The following IGF2R variants were observed in gnomAD, a reference collection of about 807,000 sequenced individuals.
IGF2R encodes the protein cation-independent mannose-6-phosphate receptor.
A neutral mutation model predicts 270.6 loss-of-function variants in IGF2R; 91 were observed. That is an observed-to-expected ratio of 0.34 (90% CI 0.28 to 0.40). IGF2R has a LOEUF of 0.40. Among genes scored for constraint, IGF2R ranks in the 10% least tolerant of loss-of-function variants. The pLI, the probability that IGF2R is intolerant of heterozygous loss-of-function variation, is 1.00. For synonymous variants in IGF2R, 1,316 were observed against 1,258.9 expected (o/e 1.05, Z -0.96); for missense variants, 2,805 against 3,188.3 (o/e 0.88, Z 2.90).
rs1286453901 is a variant in IGF2R, at chr6:160,058,785, C to T, written c.2899-121C>T. On this transcript the variant is annotated intron_variant, in intron 21 of 47. Coordinates refer to ENST00000356956, the MANE Select transcript of IGF2R (RefSeq NM_000876.4). ...AACATGCCAGAAAGTGGAAAGTTGG[C>T]AAGTTAACTAACAAATAAGAAATGT... The T allele has an allele frequency of 4.7e-6, 4 of 851,958 alleles. No homozygotes were observed. In the African/African-American group the frequency reaches 6.8e-5, roughly 14 times the overall value. The allele number at this position is 851,958 out of a possible 1,614,324, so 52.8% of individuals were successfully genotyped here. A position where few individuals can be genotyped will look rare whatever the true frequency, so the allele number is the denominator to read the frequency against.
intron 2 of IGF2R, among the ~76,000 whole-genome samples, chr6:160,002,384 A>G (rs980394826): frequency 6.6e-6 from 1 of 152,202 alleles, no homozygotes; most frequent in Non-Finnish European, 1.5e-5. Context: ...GAGTAGTGAG[A>G]GCTTGTCTCA....
intron 44 of IGF2R, among the ~76,000 whole-genome samples, chr6:160,090,949 C>T (rs1349393133): frequency 2.9e-5 from 4 of 138,602 alleles, no homozygotes; most frequent in East Asian, 4.4e-4. Flanking sequence ...CTGAGCGCAT[C>T]GCCGAGAAGG....
intron 2 of IGF2R, among the ~76,000 whole-genome samples, chr6:160,001,480 A>G (rs755542832): frequency 7.9e-5 from 12 of 152,326 alleles, no homozygotes; most frequent in Non-Finnish European, 1.3e-4. Context: ...TAAAGGGTAC[A>G]ATAAATGTAA....
chr6:160,093,035 T>C (rs566944695), intron 44 of IGF2R: 1 of 152,582 alleles, frequency 6.6e-6, no homozygotes, highest in East Asian at 1.9e-4. Flanking sequence ...CTTATAGTTA[T>C]GATTTACTGC....
At chr6:160,074,334 A>G (rs185744769) in intron 35 of IGF2R, among the ~76,000 whole-genome samples, 1 of 152,394 alleles carries the variant, frequency 6.6e-6, no homozygotes, top group East Asian at 1.9e-4. Context: ...TGTCTTCTGT[A>G]GTTAAAACGC....
intron 10 of IGF2R, among the ~76,000 whole-genome samples, chr6:160,036,635 G>A (rs1001019765): frequency 1.1e-4 from 16 of 152,104 alleles, no homozygotes; most frequent in African/African-American, 3.4e-4. Context: ...CAAAAAGATC[G>A]AAATGGACGA....
Position 160,064,239 on chromosome 6 carries a change from A to G in IGF2R, c.3887-162A>G, listed in dbSNP as rs181819725. 4.1e-4 allele frequency among the ~76,000 whole-genome samples: 62 copies of G among 152,320 alleles called. No homozygotes were observed. The East Asian group carries it at 4.4e-3, about 11-fold the overall frequency. ...CTTGGACAAGGGGAAGCCTGATTTT[A>G]TTCCCAAAGTGTAATGTGACAGGAG... On this transcript the variant is annotated intron_variant, in intron 27 of 47. Transcript: ENST00000356956.
At chr6:159,991,532 G>A (rs538878394) in intron 2 of IGF2R, among the ~76,000 whole-genome samples, 37 of 152,326 alleles carry the variant, frequency 2.4e-4, no homozygotes, top group African/African-American at 8.9e-4. Flanking sequence ...GGTTGGTTCT[G>A]TCTAGTGGAT....
At chr6:160,017,857 G>A (rs939241164) in intron 4 of IGF2R, among the ~76,000 whole-genome samples, 4 of 152,126 alleles carry the variant, frequency 2.6e-5, no homozygotes, top group Non-Finnish European at 5.9e-5. Context: ...ATGCCCAAAG[G>A]AGGTCTATAC....
intron 19 of IGF2R, among the ~76,000 whole-genome samples, chr6:160,053,951 T>A (rs1778252973): frequency 6.6e-6 from 1 of 152,124 alleles, no homozygotes; most frequent in African/African-American, 2.4e-5. Flanking sequence ...ACTCCTAGGT[T>A]CAAGCAGTCC....
intron 1 of IGF2R, among the ~76,000 whole-genome samples, chr6:159,986,740 CTTT>C (rs34584468): frequency 6.9e-6 from 1 of 144,386 alleles, no homozygotes; most frequent in Non-Finnish European, 1.5e-5. Flanking sequence ...ATATTGATCT[CTTT>C]TTTTTTTTTT....
At chr6:160,092,525 C>T (rs964645597) in intron 44 of IGF2R, among the ~76,000 whole-genome samples, 1 of 152,232 alleles carries the variant, frequency 6.6e-6, no homozygotes, top group African/African-American at 2.4e-5. Context: ...CTTCATTCAC[C>T]AGCCCCAGGA....
intron 13 of IGF2R, among the ~76,000 whole-genome samples, chr6:160,045,318 A>G (rs1351230862): frequency 6.6e-6 from 1 of 152,206 alleles, no homozygotes; most frequent in Non-Finnish European, 1.5e-5. Flanking sequence ...ATAAGTTCCC[A>G]GCTGTGGGAT....
chr6:160,071,449 G>A (rs1455560466), intron 31 of IGF2R, among the ~76,000 whole-genome samples: 13 of 152,228 alleles, frequency 8.5e-5, no homozygotes, highest in Admixed American at 8.5e-4. Flanking sequence ...GATGAGCAGA[G>A]TAAGCCTTGG....
chr6:160,080,687 G>C (rs1462726581), intron 39 of IGF2R, among the ~76,000 whole-genome samples: 1 of 152,164 alleles, frequency 6.6e-6, no homozygotes, highest in African/African-American at 2.4e-5. Flanking sequence ...CCATGTGGCA[G>C]CCCAGGTGGG....
At chr6:160,070,924 T>C (rs1778707577) in intron 31 of IGF2R, among the ~76,000 whole-genome samples, 1 of 152,170 alleles carries the variant, frequency 6.6e-6, no homozygotes, top group Admixed American at 6.5e-5. Context: ...CATGAGCTGC[T>C]GGGGCCTCTG....
intron 44 of IGF2R, chr6:160,094,137 T>G: frequency 2.4e-6 from 1 of 424,112 alleles, no homozygotes; most frequent in Non-Finnish European, 4.5e-6. Flanking sequence ...ACCCCAAATA[T>G]GTTCTGTCAA....
chr6:160,096,384 G>A, intron 44 of IGF2R, 55 bp from the exon 45 acceptor site: 1 of 1,522,836 alleles, frequency 6.6e-7, no homozygotes, highest in Non-Finnish European at 9.0e-7. Context: ...GCTAAGCTCA[G>A]TCTGCTCGTG....
chr6:160,068,489 A>T, intron 30 of IGF2R, 104 bp downstream of exon 30: 1 of 1,521,628 alleles, frequency 6.6e-7, no homozygotes, highest in South Asian at 1.2e-5. Flanking sequence ...TAGTGAGTGT[A>T]TCACAGGCTG....
Sources: allele counts gnomAD v4.1 joint callset (sites outside exome capture counted in the v4.1 genomes callset), GRCh38; gene constraint gnomAD v4.1.1; transcripts MANE v1.5; gene names NCBI Gene and HGNC (gene_info 2026-07-23, HGNC 2026-07-21).